The following ORC5 variants were observed in gnomAD, a reference collection of about 807,000 sequenced individuals.
The protein encoded by ORC5 is protein phosphatase 1, regulatory subunit 117.
Under a neutral mutation model 58.8 loss-of-function variants are expected in ORC5, and 39 were observed. That is an observed-to-expected ratio of 0.66 (90% CI 0.51 to 0.87). ORC5 has a LOEUF of 0.87. Among genes scored for constraint, ORC5 ranks in the 40% least tolerant of loss-of-function variants. ORC5 has a pLI of 0.00. For synonymous variants in ORC5, 218 were observed against 177.6 expected, an observed-to-expected ratio of 1.23 and a Z score of -1.81; for missense variants, 493 against 506.3, an observed-to-expected ratio of 0.97 and a Z score of 0.25.
chr7:104,147,442 G>C (rs1798774802), intron 12 of ORC5, among the ~76,000 whole-genome samples: 1 of 151,422 alleles, frequency 6.6e-6, no homozygotes, highest in Non-Finnish European at 1.5e-5. Flanking sequence ...GTTTGTTTTG[G>C]GGCTATAAAA....
At chr7:104,166,962 C>A in intron 9 of ORC5, 78 bp from the exon 10 acceptor site, 1 of 778,380 alleles carries the variant, frequency 1.3e-6, no homozygotes, top group South Asian at 1.6e-5. Flanking sequence ...CTTGACTTTT[C>A]ATTTCCATAT....
intron 5 of ORC5, among the ~76,000 whole-genome samples, chr7:104,194,497 G>T (rs991201389): frequency 5.3e-5 from 8 of 151,978 alleles, no homozygotes; most frequent in African/African-American, 1.9e-4. Context: ...AAGCTATTGT[G>T]TTCTTCCAAA....
At chr7:104,159,560 C>T (rs1192801203) in intron 12 of ORC5, among the ~76,000 whole-genome samples, 1 of 148,022 alleles carries the variant, frequency 6.8e-6, no homozygotes, top group East Asian at 2.0e-4. Context: ...CATTTTAATG[C>T]CCTAGAATAA....
chr7:104,169,808 T>C (rs886290826), intron 8 of ORC5, among the ~76,000 whole-genome samples: 3 of 152,214 alleles, frequency 2.0e-5, no homozygotes, highest in Admixed American at 6.5e-5. Flanking sequence ...TTTCCTTCTT[T>C]TCCCAATTTT....
rs1316985124 is a variant in ORC5 at position 104,126,789 on chromosome 7, G to C, written c.*59C>G. On this transcript the variant is annotated 3_prime_UTR_variant, in exon 14 of 14. Coordinates refer to ENST00000297431, the MANE Select transcript of ORC5 (RefSeq NM_002553.4). ...CTCTCCTTGGCCAGCTAAGTAGCTGGATGAACACAGCTTGGCTTAGTCATT... is the reference window on the plus strand; with the variant it reads ...CTCTCCTTGGCCAGCTAAGTAGCTGCATGAACACAGCTTGGCTTAGTCATT... The C allele has an allele frequency of 1.5e-6, 2 of 1,319,302 alleles. No homozygotes were observed. Among genetic ancestry groups the C allele is most frequent in the Non-Finnish European group, 2.2e-6 (2 of 927,720 alleles). 81.7% of individuals were successfully genotyped at this position (1,319,302 alleles called of 1,614,324 possible).
At chr7:104,193,383 A>C in intron 5 of ORC5, among the ~76,000 whole-genome samples, 1 of 152,072 alleles carries the variant, frequency 6.6e-6, no homozygotes, top group East Asian at 1.9e-4. Flanking sequence ...TAATCTATCC[A>C]AACTGACACA....
At chr7:104,131,948 A>G (rs1798518782) in intron 13 of ORC5, among the ~76,000 whole-genome samples, 1 of 152,196 alleles carries the variant, frequency 6.6e-6, no homozygotes, top group South Asian at 2.1e-4. Context: ...ATACAGGCTA[A>G]TAAGAATAGG....
At chr7:104,202,126 T>TA (rs1319477618) in intron 2 of ORC5, among the ~76,000 whole-genome samples, 1 of 152,080 alleles carries the variant, frequency 6.6e-6, no homozygotes, top group Non-Finnish European at 1.5e-5. Flanking sequence ...GCCCTTCATT[T>TA]AAAAAACTAT....
chr7:104,137,098 TTTTG>T (rs1798601337), intron 12 of ORC5, among the ~76,000 whole-genome samples: 4 of 151,056 alleles, frequency 2.6e-5, no homozygotes, highest in Admixed American at 2.6e-4. Context: ...AGAGTCCTAG[TTTTG>T]TTTTTTTTTT....
intron 12 of ORC5, among the ~76,000 whole-genome samples, chr7:104,143,528 T>C (rs140797054): frequency 6.6e-6 from 1 of 152,270 alleles, no homozygotes; most frequent in African/African-American, 2.4e-5. Flanking sequence ...AAGAATATAA[T>C]ATCACTTCAG....
At chr7:104,206,791 A>G (rs184979995) in intron 1 of ORC5, among the ~76,000 whole-genome samples, 1 of 152,274 alleles carries the variant, frequency 6.6e-6, no homozygotes, top group African/African-American at 2.4e-5. Context: ...TACCTTTTCT[A>G]TGTTTAGACA....
chr7:104,194,847 C>A (rs1799761136), intron 5 of ORC5, among the ~76,000 whole-genome samples: 1 of 151,584 alleles, frequency 6.6e-6, no homozygotes, highest in African/African-American at 2.4e-5. Flanking sequence ...TATACAATAA[C>A]CTCTCACAGT....
intron 1 of ORC5, among the ~76,000 whole-genome samples, chr7:104,204,587 CT>C (rs1173941422): frequency 7.2e-6 from 1 of 139,452 alleles, no homozygotes; most frequent in African/African-American, 2.8e-5. Flanking sequence ...TTTTATATTA[CT>C]CCTTCTTAAA....
intron 9 of ORC5, 199 bp downstream of exon 9, chr7:104,168,274 T>C: frequency 8.6e-7 from 1 of 1,159,090 alleles, no homozygotes; most frequent in Non-Finnish European, 1.1e-6. Context: ...AAGCTGGTAT[T>C]CAAACTTTTA....
chr7:104,205,289 C>T (rs1272960834), intron 1 of ORC5, among the ~76,000 whole-genome samples: 1 of 151,790 alleles, frequency 6.6e-6, no homozygotes, highest in Non-Finnish European at 1.5e-5. Flanking sequence ...GGAGTTTCAC[C>T]ATGTTGGTCA....
rs143708622 is a variant in ORC5, at chr7:104,177,736, C to T, written c.824+6207G>A. Among the ~76,000 whole-genome samples, 50 of 152,212 alleles carry T rather than the reference C, an allele frequency of 3.3e-4. 1 individual carries two copies. The highest frequency in any genetic ancestry group is 1.1e-3 in the African/African-American group (46 of 41,550). ...CTCTCCCTCCCCTTGCCCTCCACCC[C>T]GCAAAAGGCCCCAGTGTGTGATGTT... On this transcript the variant is annotated intron_variant, in intron 8 of 13. Transcript: ENST00000297431.
chr7:104,182,389 G>A (rs1799453005), intron 8 of ORC5, among the ~76,000 whole-genome samples: 1 of 152,056 alleles, frequency 6.6e-6, no homozygotes, highest in South Asian at 2.1e-4. Context: ...TCACTTGATA[G>A]GATAATGGTA....
intron 4 of ORC5, among the ~76,000 whole-genome samples, chr7:104,195,995 T>C (rs1476454576): frequency 2.0e-5 from 3 of 152,174 alleles, no homozygotes; most frequent in South Asian, 2.1e-4. Context: ...AAATGAGAAA[T>C]GCTTTTGCCA....
At chr7:104,189,623 T>C (rs1562825678) in intron 5 of ORC5, among the ~76,000 whole-genome samples, 2 of 152,058 alleles carry the variant, frequency 1.3e-5, no homozygotes, top group Non-Finnish European at 2.9e-5. Flanking sequence ...AAATCCTAAA[T>C]GATGAGGTTC....
Sources: gnomAD v4.1 joint callset for allele counts (sites outside exome capture counted in the v4.1 genomes callset) on GRCh38, gnomAD v4.1.1 for gene constraint, MANE v1.5 for transcripts, NCBI Gene and HGNC (gene_info 2026-07-23, HGNC 2026-07-21) for gene names.